OR10G8: variants seen among roughly 807,000 people sequenced by gnomAD.
OR10G8 encodes the protein olfactory receptor family 10 subfamily G member 8.
For missense variants in OR10G8, 386 were observed against 384.9 expected, an observed-to-expected ratio of 1.00 and a Z score of -0.02; for synonymous variants, 173 against 163.2, an observed-to-expected ratio of 1.06 and a Z score of -0.46.
rs1312236540 is a variant in OR10G8, at chr11:124,029,985, C to A, written c.363C>A (p.Arg121=). ...CFLYRVMSCD[R]YLAISYPLRY... ...TCTACAGGGTCATGTCCTGTGATCG[C>A]TACCTGGCCATCAGTTACCCGCTCA... is the stretch of plus-strand genomic sequence containing the variant. Residue 121 remains arginine (R), a synonymous_variant, in exon 2 of 2, where the codon CGC becomes CGA. Transcript: ENST00000641224. 3.7e-6 allele frequency: 6 copies of A among 1,614,148 alleles called. No individual in the cohort carries two copies. The highest frequency in any genetic ancestry group is 5.1e-6 in the Non-Finnish European group (6 of 1,180,026).
rs756920155 is a variant in OR10G8, at chr11:124,030,123, C to T, written c.501C>T (p.Tyr167=). The change falls in exon 2 of 2, where the codon TAC becomes TAT. Residue 167 remains tyrosine, a synonymous_variant. Coordinates refer to ENST00000641224, the MANE Select transcript of OR10G8 (RefSeq NM_001004464.2). ...VQAILTFHLP[Y]CGPNWIQHYL... is the part of the protein sequence containing the mutation. ...CCATATTGACTTTCCATTTGCCCTA[C>T]TGTGGACCCAACTGGATCCAGCACT... The T allele has an allele frequency of 1.7e-5, 27 of 1,613,896 alleles. No individual in the cohort carries two copies. In the Admixed American group the frequency reaches 4.5e-4, roughly 27 times the overall value.
Position 124,030,573 on chromosome 11 carries a change from T to A in OR10G8, c.*15T>A. On this transcript the variant is annotated 3_prime_UTR_variant, in exon 2 of 2. Coordinates refer to ENST00000641224, the MANE Select transcript of OR10G8 (RefSeq NM_001004464.2). ...AGAGCAAATAGACACTAGGGAAGAT[T>A]ACATATCTTAGCTCTTGTGAATAGT... The A allele has an allele frequency of 3.9e-6, 6 of 1,543,234 alleles. No homozygotes were observed. The highest frequency in any genetic ancestry group is 5.2e-6 in the Non-Finnish European group (6 of 1,145,832).
Position 124,030,249 on chromosome 11 carries a change from C to A in OR10G8, c.627C>A (p.Cys209Ter), listed in dbSNP as rs1373273770. The A allele has an allele frequency of 1.2e-6, 2 of 1,614,140 alleles. No individual in the cohort carries two copies. The highest frequency in any genetic ancestry group is 3.3e-5 in the Admixed American group (2 of 60,016). Residue 209 changes from cysteine to a stop codon, truncating the protein, a stop_gained, in exon 2 of 2, where the codon TGC becomes TGA. Coordinates refer to ENST00000641224, the MANE Select transcript of OR10G8 (RefSeq NM_001004464.2). LOFTEE classifies it low-confidence loss of function (END_TRUNC). ...CTGTTGGAATAGTGGCCTCGGGCTGCTTTGTCCTGATAGTGCTGTCCTATG... is the reference window on the plus strand; with the variant it reads ...CTGTTGGAATAGTGGCCTCGGGCTGATTTGTCCTGATAGTGCTGTCCTATG... ...FVTVGIVASG[C>*]FVLIVLSYVS... is the part of the protein sequence containing the mutation.
rs754515552 is a variant in OR10G8 at position 124,029,886 on chromosome 11, C to T, written c.264C>T (p.Gly88=). The change falls in exon 2 of 2, where the codon GGC becomes GGT. Residue 88 remains glycine, a synonymous_variant. Coordinates refer to ENST00000641224, the MANE Select transcript of OR10G8 (RefSeq NM_001004464.2). The stretch of plus-strand genomic sequence containing the variant: ...TGATGACTTTGGTGTTCCCAAGTGG[C>T]AGGGCTATCTCCTTCCACAGCTGCA... ...KLLMTLVFPS[G]RAISFHSCMA... is the part of the protein sequence containing the mutation. 4 of 1,614,068 alleles carry T rather than the reference C, an allele frequency of 2.5e-6. No homozygotes were observed. Among genetic ancestry groups the T allele is most frequent in the Non-Finnish European group, 3.4e-6 (4 of 1,180,040 alleles).
At chr11:124,027,831 G>T (rs79338303) in intron 1 of OR10G8, among the ~76,000 whole-genome samples, 2,207 of 152,188 alleles carry the variant, frequency 0.015, 54 homozygotes, top group African/African-American at 0.051. Context: ...CATAGTATTT[G>T]CCCACTGAAC....
At chr11:124,029,479 A>C in intron 1 of OR10G8, 117 bp from the exon 2 acceptor site, 1 of 946,666 alleles carries the variant, frequency 1.1e-6, no homozygotes, top group Non-Finnish European at 1.6e-6. Context: ...CTTTGTTAAC[A>C]AGCAAAGTCC....
intron 1 of OR10G8, among the ~76,000 whole-genome samples, chr11:124,028,901 T>C (rs965188961): frequency 2.6e-5 from 4 of 152,124 alleles, no homozygotes; most frequent in Admixed American, 2.6e-4. Context: ...TTAATAACCT[T>C]CCTTTGAGTA....
intron 1 of OR10G8, among the ~76,000 whole-genome samples, chr11:124,027,402 GATAC>G (rs1864116140): frequency 6.6e-6 from 1 of 152,134 alleles, no homozygotes; most frequent in Non-Finnish European, 1.5e-5. Context: ...AAATCAGTTA[GATAC>G]ATAGATAGAT....
chr11:124,030,136 T>C lies in OR10G8; in HGVS notation c.514T>C (p.Trp172Arg), dbSNP rs753563106. 7.2e-5 allele frequency: 116 copies of C among 1,613,938 alleles called. No homozygotes were observed. The highest frequency in any genetic ancestry group is 2.7e-4 in the South Asian group (25 of 91,062). ...TFHLPYCGPN[W>R]IQHYLCDAPP... ...CCATTTGCCCTACTGTGGACCCAAC[T>C]GGATCCAGCACTATTTGTGTGATGC... The change falls in exon 2 of 2, where the codon TGG becomes CGG. Residue 172 changes from tryptophan (W) to arginine (R), a missense_variant. By Grantham distance (101) the Trp-to-Arg change is moderately radical (BLOSUM62 -3). Coordinates refer to ENST00000641224, the MANE Select transcript of OR10G8 (RefSeq NM_001004464.2).
At position 124,030,446 on chromosome 11, in the gene OR10G8, A is replaced by G. The variant is rs1317971969; in HGVS notation, c.824A>G (p.Tyr275Cys). The change falls in exon 2 of 2, where the codon TAC (tyrosine) becomes TGC (cysteine). Residue 275 changes from tyrosine (Y) to cysteine (C), a missense_variant. Tyr to Cys is a radical substitution (Grantham distance 194, BLOSUM62 -2). Coordinates refer to ENST00000641224, the MANE Select transcript of OR10G8 (RefSeq NM_001004464.2). Reference protein sequence around the residue: ...KAVDGVVAVFYTVLTPLLNPV... With the variant: ...KAVDGVVAVFCTVLTPLLNPV... ...GTGGATGGAGTTGTGGCCGTTTTCTACACTGTGCTGACGCCCCTTCTCAAC... is the reference window on the plus strand; with the variant it reads ...GTGGATGGAGTTGTGGCCGTTTTCTGCACTGTGCTGACGCCCCTTCTCAAC... The G allele has an allele frequency of 1.1e-5, 18 of 1,614,126 alleles. 1 individual carries two copies. The East Asian group carries it at 4.0e-4, about 36-fold the overall frequency.
intron 1 of OR10G8, among the ~76,000 whole-genome samples, chr11:124,028,117 C>T (rs1297290782): frequency 6.6e-6 from 1 of 152,156 alleles, no homozygotes; most frequent in Non-Finnish European, 1.5e-5. Context: ...GGAGGCAACA[C>T]ATGATATCTA....
chr11:124,029,746 C>A lies in OR10G8; in HGVS notation c.124C>A (p.Leu42Ile). The A allele has an allele frequency of 6.2e-7, 1 of 1,613,954 alleles. No individual in the cohort carries two copies. The highest frequency in any genetic ancestry group is 8.5e-7 in the Non-Finnish European group (1 of 1,179,884). ...VYVLTVLGNL[L>I]ILLVIRVDSH... ...CGTGCTCACTGTGCTGGGGAACCTC[C>A]TCATCCTGCTGGTGATCAGGGTGGA... Residue 42 changes from leucine (L) to isoleucine (I), a missense_variant, in exon 2 of 2, where the codon CTC becomes ATC. Transcript: ENST00000641224.
chr11:124,028,601 G>A (rs1482806965), intron 1 of OR10G8, among the ~76,000 whole-genome samples: 1 of 152,176 alleles, frequency 6.6e-6, no homozygotes, highest in African/African-American at 2.4e-5. Flanking sequence ...CATTTATTGA[G>A]CAGTTACTAC....
rs1389929184 is a variant in OR10G8, at chr11:124,030,511, G to C, written c.889G>C (p.Ala297Pro). 1 of 1,607,166 alleles carries C rather than the reference G, an allele frequency of 6.2e-7. No homozygotes were observed. Among genetic ancestry groups the C allele is most frequent in the Non-Finnish European group, 8.5e-7 (1 of 1,178,026 alleles). ...YTLRNKEVKKALLKLKDKVAH... is the reference protein window; with the variant it reads ...YTLRNKEVKKPLLKLKDKVAH... ...CCTGAGGAACAAGGAGGTGAAGAAA[G>C]CTCTGTTGAAGCTGAAAGACAAAGT... Residue 297 changes from alanine (A) to proline (P), a missense_variant, in exon 2 of 2, where the codon GCT becomes CCT. Physicochemically the swap from Ala to Pro is conservative, Grantham distance 27. Coordinates refer to ENST00000641224, the MANE Select transcript of OR10G8 (RefSeq NM_001004464.2).
At chr11:124,028,938 A>C (rs777610153) in intron 1 of OR10G8, among the ~76,000 whole-genome samples, 4 of 152,084 alleles carry the variant, frequency 2.6e-5, no homozygotes, top group Non-Finnish European at 5.9e-5. Flanking sequence ...ATATGATGGA[A>C]TATCACCCCC....
chr11:124,030,406 G>A lies in OR10G8; in HGVS notation c.784G>A (p.Gly262Ser). The stretch of plus-strand genomic sequence containing the variant: ...TGGTCTTTTCATTTACCTGAGGCCA[G>A]GCTCCAGGAAAGCTGTGGATGGAGT... The part of the protein sequence containing the change: ...GPGLFIYLRP[G>S]SRKAVDGVVA... Residue 262 changes from glycine to serine, a missense_variant, in exon 2 of 2, where the codon GGC becomes AGC. By Grantham distance (56) the Gly-to-Ser change is moderately conservative (BLOSUM62 0). Transcript: ENST00000641224. The A allele has an allele frequency of 6.2e-7, 1 of 1,614,196 alleles. No homozygotes were observed. Among genetic ancestry groups the A allele is most frequent in the Non-Finnish European group, 8.5e-7 (1 of 1,180,042 alleles).
rs149526223 is a variant in OR10G8 at position 124,030,034 on chromosome 11, C to T, written c.412C>T (p.Arg138Cys). 2.6e-5 allele frequency: 42 copies of T among 1,613,966 alleles called. No individual in the cohort carries two copies. The highest frequency in any genetic ancestry group is 1.7e-4 in the African/African-American group (13 of 74,888). The change falls in exon 2 of 2, where the codon CGC becomes TGC. Residue 138 changes from arginine to cysteine, a missense_variant. Transcript: ENST00000641224. The part of the protein sequence containing the change: ...PLRYTSMMTG[R>C]SCTLLATSTW... Reference sequence around the variant, plus strand: ...CAGGTACACCAGCATGATGACTGGGCGCTCGTGTACTCTTCTGGCCACCAG... The same window carrying T: ...CAGGTACACCAGCATGATGACTGGGTGCTCGTGTACTCTTCTGGCCACCAG...
In OR10G8 at chr11:124,029,723, T is replaced by G. The variant is rs1864137005; in HGVS notation, c.101T>G (p.Val34Gly). Reference protein sequence around the residue: ...PLFGVFLVVYVLTVLGNLLIL... With the variant: ...PLFGVFLVVYGLTVLGNLLIL... ...TTTGGAGTCTTCCTGGTGGTTTACG[T>G]GCTCACTGTGCTGGGGAACCTCCTC... Residue 34 changes from valine (V) to glycine (G), a missense_variant, in exon 2 of 2, where the codon GTG becomes GGG. By Grantham distance (109) the Val-to-Gly change is moderately radical. Coordinates refer to ENST00000641224, the MANE Select transcript of OR10G8 (RefSeq NM_001004464.2). 1.2e-6 allele frequency: 2 copies of G among 1,613,846 alleles called. No homozygotes were observed. The highest frequency in any genetic ancestry group is 2.7e-5 in the African/African-American group (2 of 74,918).
chr11:124,029,373 A>C (rs762076685), intron 1 of OR10G8, among the ~76,000 whole-genome samples: 47 of 152,204 alleles, frequency 3.1e-4, no homozygotes, highest in Middle Eastern at 3.4e-3. Flanking sequence ...ATCTAAGACA[A>C]TGCGTTTCTC....
Sources: allele counts gnomAD v4.1 joint callset (sites outside exome capture counted in the v4.1 genomes callset), GRCh38; gene constraint gnomAD v4.1.1; transcripts MANE v1.5; gene names NCBI Gene and HGNC (gene_info 2026-07-23, HGNC 2026-07-21).